The following GRID2 variants were observed in gnomAD, a reference collection of about 807,000 sequenced individuals.
GRID2 encodes glutamate receptor ionotropic, delta-2.
A neutral mutation model predicts 114.8 loss-of-function variants in GRID2; 33 were observed. The observed-to-expected ratio is 0.29, with a 90% CI of 0.22 to 0.38. The LOEUF (loss-of-function observed/expected upper bound fraction) is 0.38, where lower values mean the gene tolerates loss of function less well. Among genes scored for constraint, GRID2 ranks in the 10% least tolerant of loss-of-function variants. GRID2 has a pLI of 1.00. For missense variants in GRID2, 1,184 were observed against 1,257.7 expected, an observed-to-expected ratio of 0.94 and a Z score of 0.89; for synonymous variants, 505 against 449.9, an observed-to-expected ratio of 1.12 and a Z score of -1.55.
At chr4:93,288,552 A>T (rs1285062171) in intron 8 of GRID2, among the ~76,000 whole-genome samples, 3 of 152,152 alleles carry the variant, frequency 2.0e-5, no homozygotes, top group African/African-American at 7.2e-5. Context: ...CAGGTGCTCC[A>T]TCTGTCCAAA....
chr4:93,240,237 A>C (rs1747330700), intron 8 of GRID2, among the ~76,000 whole-genome samples: 2 of 151,648 alleles, frequency 1.3e-5, no homozygotes, highest in African/African-American at 2.4e-5. Context: ...GTAATTTACT[A>C]ATTTACATAC....
At chr4:92,663,053 A>T (rs1732595762) in intron 2 of GRID2, among the ~76,000 whole-genome samples, 2 of 151,046 alleles carry the variant, frequency 1.3e-5, no homozygotes, top group African/African-American at 4.8e-5. Context: ...ATTGATTATC[A>T]TCATGCAATT....
chr4:92,979,104 T>C (rs998586666), intron 2 of GRID2, among the ~76,000 whole-genome samples: 14 of 152,162 alleles, frequency 9.2e-5, no homozygotes, highest in Admixed American at 1.3e-4. Flanking sequence ...ATGTAGCTAT[T>C]GGTCACTTGA....
rs571638542 is a variant in GRID2, at chr4:93,170,441, T to G, written c.736-36963T>G. Among the ~76,000 whole-genome samples the G allele has an allele frequency of 4.6e-5, 7 of 152,224 alleles. No homozygotes were observed. The South Asian group carries it at 1.5e-3, about 32-fold the overall frequency. On this transcript the variant is annotated intron_variant, in intron 4 of 15. Coordinates refer to ENST00000282020, the MANE Select transcript of GRID2 (RefSeq NM_001510.4). ...TCCAGTTGCAGCAATGTCAGTCATA[T>G]CTCTGGTCATCTGATGTTTCTCTGG...
intron 14 of GRID2, among the ~76,000 whole-genome samples, chr4:93,658,772 G>A (rs1723234345): frequency 1.3e-5 from 2 of 152,148 alleles, no homozygotes; most frequent in South Asian, 4.1e-4. Flanking sequence ...TTATTAGAGG[G>A]TAAGAGCAAT....
chr4:93,228,319 G>A (rs1745734593), intron 7 of GRID2, among the ~76,000 whole-genome samples: 1 of 152,094 alleles, frequency 6.6e-6, no homozygotes, highest in Admixed American at 6.6e-5. Flanking sequence ...AGACAAAAAG[G>A]GGACCAAACT....
chr4:93,397,493 T>G (rs575505178), intron 9 of GRID2, among the ~76,000 whole-genome samples: 31 of 152,024 alleles, frequency 2.0e-4, no homozygotes, highest in Admixed American at 4.6e-4. Context: ...AGCAAATCTT[T>G]AAGTCCAATT....
chr4:92,403,414 A>G (rs1470318069), intron 1 of GRID2, among the ~76,000 whole-genome samples: 2 of 152,022 alleles, frequency 1.3e-5, no homozygotes, highest in Non-Finnish European at 1.5e-5. Context: ...AGTGAGAGAC[A>G]TGGCCAGGCA....
At chr4:93,585,946 C>T (rs545045515) in intron 13 of GRID2, among the ~76,000 whole-genome samples, 4 of 151,946 alleles carry the variant, frequency 2.6e-5, no homozygotes, top group South Asian at 2.1e-4. Flanking sequence ...AACTTTATCC[C>T]GAGCCCTTCA....
At chr4:92,326,136 T>TA (rs1726586444) in intron 1 of GRID2, among the ~76,000 whole-genome samples, 1 of 151,860 alleles carries the variant, frequency 6.6e-6, no homozygotes, top group African/African-American at 2.4e-5. Context: ...TGTTCTTTTA[T>TA]AAAATTAAAC....
chr4:92,485,344 ATATAGTGTGTGTGTGTGT>A lies in GRID2; in HGVS notation c.89-104786_89-104769del, dbSNP rs1722825674. On this transcript the variant is annotated intron_variant, in intron 1 of 15. Coordinates refer to ENST00000282020, the MANE Select transcript of GRID2 (RefSeq NM_001510.4). Reference sequence around the variant, plus strand: ...TATATATATATATATATATATATATATATAGTGTGTGTGTGTGTGTGTGTGAGTGTATGTGTGTGTATA... The same window carrying A: ...TATATATATATATATATATATATATAGTGTGTGAGTGTATGTGTGTGTATA... Among the ~76,000 whole-genome samples the A allele has an allele frequency of 5.0e-5, 3 of 60,020 alleles. No homozygotes were observed. The South Asian group carries it at 1.6e-3, about 31-fold the overall frequency. 39.4% of individuals were successfully genotyped at this position (60,020 alleles called of 152,430 possible). A position where few individuals can be genotyped will look rare whatever the true frequency, so the allele number is the denominator to read the frequency against.
At chr4:92,696,408 T>C (rs1373180983) in intron 2 of GRID2, among the ~76,000 whole-genome samples, 2 of 152,192 alleles carry the variant, frequency 1.3e-5, no homozygotes, top group Non-Finnish European at 2.9e-5. Context: ...ACATAAATTT[T>C]CATCAAATCT....
chr4:92,623,166 A>C (rs1412213038), intron 2 of GRID2, among the ~76,000 whole-genome samples: 1 of 151,676 alleles, frequency 6.6e-6, no homozygotes, highest in East Asian at 1.9e-4. Context: ...TTTATAAAAA[A>C]CATTCACCTG....
At chr4:93,769,565 T>A (rs1733952145) in intron 15 of GRID2, 115 bp downstream of exon 15, 2 of 908,086 alleles carry the variant, frequency 2.2e-6, no homozygotes, top group South Asian at 3.2e-5. Flanking sequence ...TTTCGTTTCT[T>A]GAAGATTAAA....
chr4:93,119,916 A>G (rs1259803833), intron 4 of GRID2, among the ~76,000 whole-genome samples: 2 of 152,096 alleles, frequency 1.3e-5, no homozygotes, highest in Non-Finnish European at 2.9e-5. Flanking sequence ...TTTCTTGTAA[A>G]TTTGGTCAAG....
At chr4:92,805,851 A>C (rs1349432836) in intron 2 of GRID2, among the ~76,000 whole-genome samples, 1 of 151,878 alleles carries the variant, frequency 6.6e-6, no homozygotes, top group Non-Finnish European at 1.5e-5. Context: ...TAGTTTCTCT[A>C]TATGTTATTT....
At position 93,398,123 on chromosome 4, in the gene GRID2, A is replaced by ATGTGTGTGTG. The variant is rs151125359; in HGVS notation, c.1347+2417_1347+2426dup. Among the ~76,000 whole-genome samples the ATGTGTGTGTG allele has an allele frequency of 5.2e-3, 683 of 130,766 alleles. 6 individuals are homozygous for ATGTGTGTGTG. The highest frequency in any genetic ancestry group is 8.4e-3 in the South Asian group (36 of 4,308). 85.8% of individuals were successfully genotyped at this position (130,766 alleles called of 152,430 possible). A position where few individuals can be genotyped will look rare whatever the true frequency, so the allele number is the denominator to read the frequency against. On this transcript the variant is annotated intron_variant, in intron 9 of 15. Transcript: ENST00000282020. ...TCCAGAAGTTGAAATACATACATGTATGTGTGTGTGTATATATATATATAT... is the reference window on the plus strand; with the variant it reads ...TCCAGAAGTTGAAATACATACATGTATGTGTGTGTGTGTGTGTGTGTATATATATATATAT...
chr4:93,178,992 T>C (rs554486315), intron 4 of GRID2, among the ~76,000 whole-genome samples: 6 of 152,242 alleles, frequency 3.9e-5, no homozygotes, highest in African/African-American at 1.2e-4. Context: ...TTTGGACCTA[T>C]GCTAATAGTT....
intron 4 of GRID2, among the ~76,000 whole-genome samples, chr4:93,123,201 G>A (rs1191536489): frequency 6.6e-6 from 1 of 152,010 alleles, no homozygotes; most frequent in East Asian, 1.9e-4. Flanking sequence ...ACAGCCTATA[G>A]TCTATTTAAT....
Sources: allele counts gnomAD v4.1 joint callset (sites outside exome capture counted in the v4.1 genomes callset), GRCh38; gene constraint gnomAD v4.1.1; transcripts MANE v1.5; gene names NCBI Gene and HGNC (gene_info 2026-07-23, HGNC 2026-07-21).